Variants in PCDH11X observed in about 807,000 individuals in gnomAD.
PCDH11X encodes the protein protocadherin 11 X-linked, also known as protocadherin-11 X-linked.
Under a neutral mutation model 53.3 loss-of-function variants are expected in PCDH11X, and 18 were observed. The ratio of observed to expected loss-of-function variants is 0.34; its 90% CI spans 0.23 to 0.50. The LOEUF is 0.50. Among genes scored for constraint, PCDH11X ranks in the 20% least tolerant of loss-of-function variants. PCDH11X has a pLI of 0.98. For synonymous variants in PCDH11X, 279 were observed against 393.3 expected (o/e 0.71, Z 3.44); for missense variants, 570 against 1,032.4 (o/e 0.55, Z 6.14).
chrX:92,350,945 A>G (rs2070030634), intron 8 of PCDH11X, among the ~76,000 whole-genome samples: 2 of 112,016 alleles, frequency 1.8e-5, no homozygotes, highest in South Asian at 7.4e-4. Context: ...GTGCACTGAT[A>G]GACAATGAAA....
chrX:92,407,706 A>G (rs2071551687), intron 9 of PCDH11X, among the ~76,000 whole-genome samples: 1 of 109,555 alleles, frequency 9.1e-6, no homozygotes, highest in Non-Finnish European at 1.9e-5. Flanking sequence ...GTCATCTTTC[A>G]GTCTTCTATT....
chrX:92,487,048 C>CTTTTTTTTTTTTTTTTTTTTT (rs758641899), intron 10 of PCDH11X, among the ~76,000 whole-genome samples: 5 of 67,819 alleles, frequency 7.4e-5, no homozygotes, highest in African/African-American at 2.5e-4. Flanking sequence ...AATATGCTTC[C>CTTTTTTTTTTTTTTTTTTTTT]TTTTTTTTTT....
chrX:92,393,998 G>A (rs1896996062), intron 9 of PCDH11X, among the ~76,000 whole-genome samples: 1 of 110,429 alleles, frequency 9.1e-6, no homozygotes, highest in South Asian at 3.8e-4. Context: ...AAGAAAAATG[G>A]GTAAAACACG....
chrX:91,939,709 A>G, intron 6 of PCDH11X, among the ~76,000 whole-genome samples: 1 of 110,630 alleles, frequency 9.0e-6, no homozygotes, highest in Non-Finnish European at 1.9e-5. Flanking sequence ...TAAAGTGCTG[A>G]AAGAAAAAAA....
At chrX:92,210,405 A>AT (rs34809109) in intron 7 of PCDH11X, among the ~76,000 whole-genome samples, 17,171 of 105,666 alleles carry the variant, frequency 0.16, 1,320 homozygotes, top group Admixed American at 0.28. Flanking sequence ...TGCCTGGCTA[A>AT]TTTTTTTGTA....
intron 5 of PCDH11X, among the ~76,000 whole-genome samples, chrX:91,850,308 A>G (rs1937932923): frequency 9.1e-6 from 1 of 109,899 alleles, no homozygotes; most frequent in Non-Finnish European, 1.9e-5. Context: ...TCCTCTTTTA[A>G]CTGTTTATTT....
rs754282759 is a variant in PCDH11X at position 91,873,038 on chromosome X, TATTTATGTC to T, written c.541-3742_541-3734del. On this transcript the variant is annotated intron_variant, in intron 5 of 10. Transcript: ENST00000682573. ...ATCTCACCAAAATTTTGTTGAAAAT[TATTTATGTC>T]TTAACCTGTGGGCAACTCCTGTTCA... 3.7e-3 allele frequency among the ~76,000 whole-genome samples: 400 copies of T among 108,759 alleles called. 4 individuals carry two copies. The highest frequency in any genetic ancestry group is 0.019 in the Admixed American group (190 of 10,024). The allele number at this position is 108,759 out of a possible 115,157, so 94.4% of individuals were successfully genotyped here.
chrX:91,955,014 A>T (rs968869218), intron 6 of PCDH11X, among the ~76,000 whole-genome samples: 1 of 110,899 alleles, frequency 9.0e-6, no homozygotes, highest in Non-Finnish European at 1.9e-5. Flanking sequence ...CATTTTCATC[A>T]TGAAATCTTT....
At chrX:92,398,421 A>G (rs2148585597) in intron 9 of PCDH11X, among the ~76,000 whole-genome samples, 1 of 111,543 alleles carries the variant, frequency 9.0e-6, no homozygotes, top group African/African-American at 3.3e-5. Flanking sequence ...TAGCAATACT[A>G]TTTTTTGCAG....
chrX:91,803,275 T>C lies in PCDH11X; in HGVS notation c.-378-6191T>C, dbSNP rs1043324019. ...CATACGGAATGAAGCCTCCGTATAA[T>C]TGTTTATCCCATTATCAGAAATTTT... On this transcript the variant is annotated intron_variant, in intron 1 of 10. Transcript: ENST00000682573. Among the ~76,000 whole-genome samples, 27 of 111,316 alleles carry C rather than the reference T, an allele frequency of 2.4e-4. No individual in the cohort carries two copies. In the Admixed American group the frequency reaches 2.6e-3, roughly 11 times the overall value.
intron 6 of PCDH11X, among the ~76,000 whole-genome samples, chrX:92,043,963 T>G (rs1328212356): frequency 9.0e-6 from 1 of 111,117 alleles, no homozygotes; most frequent in East Asian, 2.8e-4. Flanking sequence ...TAGTTCAACT[T>G]GTCACTTTAA....
chrX:92,076,744 G>A (rs1419217952), intron 6 of PCDH11X, among the ~76,000 whole-genome samples: 1 of 112,009 alleles, frequency 8.9e-6, no homozygotes, highest in African/African-American at 3.2e-5. Flanking sequence ...AATATTCTGA[G>A]TTGAATACAT....
chrX:91,981,232 ATT>A (rs999391388), intron 6 of PCDH11X, among the ~76,000 whole-genome samples: 13 of 108,780 alleles, frequency 1.2e-4, no homozygotes, highest in African/African-American at 4.0e-4. Flanking sequence ...GTTATGTGTG[ATT>A]TTATCTCACT....
At chrX:92,029,672 T>C (rs1228631970) in intron 6 of PCDH11X, among the ~76,000 whole-genome samples, 4 of 110,497 alleles carry the variant, frequency 3.6e-5, no homozygotes, top group Non-Finnish European at 7.5e-5. Flanking sequence ...GGAAACTTTT[T>C]GCAGAGAAAT....
chrX:92,562,751 G>A (rs753999574), intron 10 of PCDH11X, among the ~76,000 whole-genome samples: 13 of 109,966 alleles, frequency 1.2e-4, no homozygotes, highest in African/African-American at 3.6e-4. Context: ...TCCAAGCCAG[G>A]GGCACAATGC....
At chrX:91,798,221 A>T (rs1468737529) in intron 1 of PCDH11X, 1 of 111,129 alleles carries the variant, frequency 9.0e-6, no homozygotes, top group Non-Finnish European at 1.9e-5. Context: ...GAATAGGAGC[A>T]TGCTCTGTCC....
At chrX:92,387,080 A>G (rs2071025074) in intron 8 of PCDH11X, among the ~76,000 whole-genome samples, 1 of 105,475 alleles carries the variant, frequency 9.5e-6, no homozygotes, top group Non-Finnish European at 2.0e-5. Flanking sequence ...ATTTGTATAT[A>G]TATTTTTATA....
intron 7 of PCDH11X, among the ~76,000 whole-genome samples, chrX:92,251,417 C>A (rs1179122226): frequency 9.1e-6 from 1 of 110,376 alleles, no homozygotes; most frequent in Non-Finnish European, 1.9e-5. Flanking sequence ...TAGCAGTATT[C>A]CAAAATCCAA....
intron 8 of PCDH11X, among the ~76,000 whole-genome samples, chrX:92,331,279 T>TTTCTTCTTCTTCTTTTTCTTCTTCTTC (rs2069461555): frequency 7.5e-5 from 4 of 53,210 alleles, no homozygotes; most frequent in Non-Finnish European, 1.0e-4. Flanking sequence ...CCTCCTCCTC[T>TTTCTTCTTCTTCTTTTTCTTCTTCTTC]TTCTTCTTCT....
Sources: allele counts gnomAD v4.1 joint callset (sites outside exome capture counted in the v4.1 genomes callset), GRCh38; gene constraint gnomAD v4.1.1; transcripts MANE v1.5; gene names NCBI Gene and HGNC (gene_info 2026-07-23, HGNC 2026-07-21).